Variants in ELL2 observed in about 807,000 individuals in gnomAD.
ELL2 encodes RNA polymerase II elongation factor ELL2.
ELL2 carries 21 observed loss-of-function variants against 72.8 expected under a neutral mutation model. The observed-to-expected ratio is 0.29, with a 90% CI of 0.20 to 0.42. ELL2 has a LOEUF of 0.42. Among genes scored for constraint, ELL2 ranks in the 10% least tolerant of loss-of-function variants. ELL2 has a pLI of 1.00. For missense variants in ELL2, 568 were observed against 772.8 expected, an observed-to-expected ratio of 0.73 and a Z score of 3.14; for synonymous variants, 266 against 283.2, an observed-to-expected ratio of 0.94 and a Z score of 0.61.
chr5:95,946,387 A>C (rs2546199), intron 1 of ELL2, among the ~76,000 whole-genome samples: 50,455 of 151,964 alleles, frequency 0.33, 10,103 homozygotes, highest in African/African-American at 0.57. Context: ...CAGTCACCAA[A>C]TCTGGCCACT....
intron 5 of ELL2, among the ~76,000 whole-genome samples, chr5:95,905,826 G>A (rs899007494): frequency 6.6e-6 from 1 of 151,396 alleles, no homozygotes; most frequent in Non-Finnish European, 1.5e-5. Flanking sequence ...AAAAAAGATG[G>A]ACCACCATTT....
At chr5:95,959,258 G>C (rs916066504) in intron 1 of ELL2, among the ~76,000 whole-genome samples, 1 of 152,142 alleles carries the variant, frequency 6.6e-6, no homozygotes, top group Admixed American at 6.5e-5. Context: ...TCCCAAGGTA[G>C]CTGGCTGACC....
intron 2 of ELL2, among the ~76,000 whole-genome samples, chr5:95,942,093 A>C (rs1750990227): frequency 6.6e-6 from 1 of 152,222 alleles, no homozygotes; most frequent in African/African-American, 2.4e-5. Flanking sequence ...TGATGTAATT[A>C]ATCTGACTCT....
chr5:95,885,389 C>CAA lies in ELL2; in HGVS notation c.*3480_*3481dup, dbSNP rs1209297479. The CAA allele has an allele frequency of 2.0e-5, 3 of 152,196 alleles. No homozygotes were observed. Among genetic ancestry groups the CAA allele is most frequent in the African/African-American group, 7.2e-5 (3 of 41,440 alleles). The allele number at this position is 152,196 out of a possible 1,614,324, so 9.4% of individuals were successfully genotyped here. On this transcript the variant is annotated 3_prime_UTR_variant, in exon 12 of 12. Transcript: ENST00000237853. ...ATATTGTTTCTGAAAACTTTCCTCTCAAAGTGCTGGCTATAATTTTTTCTC... is the reference window on the plus strand; with the variant it reads ...ATATTGTTTCTGAAAACTTTCCTCTCAAAAAGTGCTGGCTATAATTTTTTCTC...
At chr5:95,920,576 A>C (rs534310035) in intron 2 of ELL2, among the ~76,000 whole-genome samples, 5 of 152,016 alleles carry the variant, frequency 3.3e-5, no homozygotes, top group African/African-American at 9.7e-5. Context: ...GAGAAGTCCC[A>C]GGAGCAAAGG....
chr5:95,942,584 G>A (rs2112348198), intron 2 of ELL2, among the ~76,000 whole-genome samples: 1 of 151,860 alleles, frequency 6.6e-6, no homozygotes, highest in East Asian at 1.9e-4. Flanking sequence ...TCATTTCCTG[G>A]TATATACAAC....
At chr5:95,917,638 C>T (rs958399878) in intron 3 of ELL2, among the ~76,000 whole-genome samples, 1 of 152,196 alleles carries the variant, frequency 6.6e-6, no homozygotes, top group African/African-American at 2.4e-5. Context: ...CTTACTACCT[C>T]ATTTTATAAG....
intron 4 of ELL2, among the ~76,000 whole-genome samples, chr5:95,907,298 T>TATA (rs1561495005): frequency 1.9e-5 from 2 of 103,496 alleles, no homozygotes; most frequent in African/African-American, 9.2e-5. Flanking sequence ...ATATATATAT[T>TATA]TTTTTTTTTT....
At chr5:95,916,157 G>A (rs1482701674) in intron 3 of ELL2, among the ~76,000 whole-genome samples, 2 of 151,920 alleles carry the variant, frequency 1.3e-5, no homozygotes, top group Admixed American at 6.6e-5. Flanking sequence ...CTGACAAAAC[G>A]TGGTCAGTAG....
chr5:95,959,334 G>C (rs554593252), intron 1 of ELL2, among the ~76,000 whole-genome samples: 2 of 152,310 alleles, frequency 1.3e-5, no homozygotes, highest in South Asian at 4.1e-4. Flanking sequence ...CCTCGGGTCT[G>C]CTCCTGAATA....
chr5:95,960,018 G>C (rs568414834), intron 1 of ELL2, among the ~76,000 whole-genome samples: 130 of 152,200 alleles, frequency 8.5e-4, no homozygotes, highest in African/African-American at 2.9e-3. Context: ...AGTAAACCAG[G>C]GTTCACACCT....
At chr5:95,956,136 C>A (rs181940313) in intron 1 of ELL2, among the ~76,000 whole-genome samples, 5 of 152,222 alleles carry the variant, frequency 3.3e-5, no homozygotes, top group East Asian at 1.9e-4. Context: ...CTTTTAAATT[C>A]TTTTCTTGAA....
At chr5:95,906,913 T>A in intron 4 of ELL2, 131 bp from the exon 5 acceptor site, 1 of 941,148 alleles carries the variant, frequency 1.1e-6, no homozygotes, top group East Asian at 2.9e-5. Context: ...TTTATTTCAA[T>A]CTTTAAGAAG....
At chr5:95,961,485 C>T in intron 1 of ELL2, 90 bp downstream of exon 1, 1 of 1,341,252 alleles carries the variant, frequency 7.5e-7, no homozygotes, top group Non-Finnish European at 9.6e-7. Flanking sequence ...CTGCCAGCCA[C>T]GGCTCCGCCG....
chr5:95,915,390 G>A (rs761726688), intron 3 of ELL2, among the ~76,000 whole-genome samples: 3 of 152,232 alleles, frequency 2.0e-5, no homozygotes, highest in Admixed American at 6.5e-5. Flanking sequence ...GTGAGCCACC[G>A]CACCTGGCTG....
chr5:95,950,939 T>TGTA (rs1751368868), intron 1 of ELL2, among the ~76,000 whole-genome samples: 1 of 117,416 alleles, frequency 8.5e-6, no homozygotes, highest in African/African-American at 3.7e-5. Flanking sequence ...TATATATATA[T>TGTA]ATATATATAT....
intron 1 of ELL2, among the ~76,000 whole-genome samples, chr5:95,944,330 G>A (rs1751076947): frequency 6.6e-6 from 1 of 152,024 alleles, no homozygotes; most frequent in African/African-American, 2.4e-5. Flanking sequence ...ACATTATAAT[G>A]GATACTGTTA....
At chr5:95,898,104 A>C (rs1020317760) in intron 8 of ELL2, 136 bp downstream of exon 8, 52 of 736,486 alleles carry the variant, frequency 7.1e-5, no homozygotes, top group African/African-American at 7.0e-4. Context: ...AAAAAAAAAA[A>C]AAAACTGCTC....
rs537645289 is a variant in ELL2, at chr5:95,887,138, G to A, written c.*1733C>T. The A allele has an allele frequency of 1.3e-5, 2 of 152,240 alleles. No homozygotes were observed. Among genetic ancestry groups the A allele is most frequent in the East Asian group, 1.9e-4 (1 of 5,188 alleles). 9.4% of individuals were successfully genotyped at this position (152,240 alleles called of 1,614,324 possible). A position where few individuals can be genotyped will look rare whatever the true frequency, so the allele number is the denominator to read the frequency against. On this transcript the variant is annotated 3_prime_UTR_variant, in exon 12 of 12. Transcript: ENST00000237853. ...AGGGATCTCAATGCTAAAAGAAACA[G>A]AATTCCTTAGGAGGTCCATGCTACA...
Sources: allele counts gnomAD v4.1 joint callset (sites outside exome capture counted in the v4.1 genomes callset), GRCh38; gene constraint gnomAD v4.1.1; transcripts MANE v1.5; gene names NCBI Gene and HGNC (gene_info 2026-07-23, HGNC 2026-07-21).